The following ASPHD1 variants were observed in gnomAD, a reference collection of about 807,000 sequenced individuals.
ASPHD1 encodes the protein aspartate beta-hydroxylase domain containing 1, also known as aspartate beta-hydroxylase domain-containing protein 1.
A neutral mutation model predicts 28.3 loss-of-function variants in ASPHD1; 20 were observed. The ratio of observed to expected loss-of-function variants is 0.71; its 90% CI spans 0.50 to 1.03. The LOEUF is 1.03. Among genes scored for constraint, ASPHD1 ranks in the 50% least tolerant of loss-of-function variants. The pLI is 0.00. For synonymous variants in ASPHD1, 240 were observed against 221.2 expected, an observed-to-expected ratio of 1.08 and a Z score of -0.75; for missense variants, 479 against 524.1, an observed-to-expected ratio of 0.91 and a Z score of 0.84.
At chr16:29,911,115 A>C in intron 3 of ASPHD1, 1 of 1,614,162 alleles carries the variant, frequency 6.2e-7, no homozygotes, top group East Asian at 2.2e-5. Flanking sequence ...CGCCCGTGGA[A>C]GCGCAGGGCC....
At chr16:29,902,040 C>T (rs1035007389) in intron 1 of ASPHD1, 120 bp downstream of exon 1, 4 of 732,570 alleles carry the variant, frequency 5.5e-6, no homozygotes, top group Admixed American at 3.8e-5. Flanking sequence ...TCCATGGCTC[C>T]CTGTTGCCAC....
At chr16:29,903,659 C>T (rs1036038070) in intron 1 of ASPHD1, among the ~76,000 whole-genome samples, 4 of 152,104 alleles carry the variant, frequency 2.6e-5, no homozygotes, top group African/African-American at 9.7e-5. Context: ...TCTCTCTGTG[C>T]TCTAAATCAT....
In ASPHD1 at chr16:29,901,343, G is replaced by A; in HGVS notation, c.372G>A (p.Glu124=). The part of the protein sequence containing the change: ...GVRGGPVGCS[E]AGGPSPGGPG... ...GTGGTGGGCCTGTGGGATGCTCGGA[G>A]GCCGGCGGGCCAAGCCCAGGGGGTC... Residue 124 remains glutamate, a synonymous_variant, in exon 1 of 3, where the codon GAG becomes GAA. Transcript: ENST00000308748. This position sits in a 1 kb window ranked among gnomAD's most constrained non-coding sequence, Gnocchi z 5.1. 2 of 1,602,598 alleles carry A rather than the reference G, an allele frequency of 1.2e-6. No homozygotes were observed. Among genetic ancestry groups the A allele is most frequent in the South Asian group, 1.1e-5 (1 of 90,158 alleles).
Position 29,901,224 on chromosome 16 carries a change from G to C in ASPHD1, c.253G>C (p.Gly85Arg). The C allele has an allele frequency of 6.2e-7, 1 of 1,613,742 alleles. No homozygotes were observed. Among genetic ancestry groups the C allele is most frequent in the East Asian group, 2.2e-5 (1 of 44,856 alleles). The part of the protein sequence containing the change: ...LASSALTLLF[G>R]ALTSLFLWYC... Reference sequence around the variant, plus strand: ...CTCCTCGGCCCTCACCTTGCTCTTCGGGGCCCTCACTTCCCTGTTCCTCTG... The same window carrying C: ...CTCCTCGGCCCTCACCTTGCTCTTCCGGGCCCTCACTTCCCTGTTCCTCTG... Residue 85 changes from glycine to arginine, a missense_variant, in exon 1 of 3, where the codon GGG (glycine) becomes CGG (arginine). Gly to Arg is a moderately radical substitution (Grantham distance 125, BLOSUM62 -2). Transcript: ENST00000308748. The surrounding 1 kb of genome is among the most constrained non-coding windows in gnomAD (Gnocchi z 5.1).
chr16:29,913,612 TG>T (rs1458807097), intron 3 of ASPHD1: 9 of 152,182 alleles, frequency 5.9e-5, no homozygotes, highest in Non-Finnish European at 1.2e-4. Flanking sequence ...GTGGCCAAGA[TG>T]TCAGTGGGGC....
At chr16:29,905,668 A>AAAGGGTT in intron 2 of ASPHD1, 120 bp from the exon 3 acceptor site, 2 of 502,346 alleles carry the variant, frequency 4.0e-6, no homozygotes. Context: ...TGATACATTT[A>AAAGGGTT]AAGGGTTAGA....
intron 1 of ASPHD1, 89 bp from the exon 2 acceptor site, chr16:29,904,763 G>C (rs2068585709): frequency 1.2e-5 from 9 of 763,718 alleles, no homozygotes; most frequent in Middle Eastern, 2.4e-4. Context: ...TGGCATTTAA[G>C]ACACTTAGAG....
At position 29,901,158 on chromosome 16, in the gene ASPHD1, A is replaced by G; in HGVS notation, c.187A>G (p.Arg63Gly). 1.9e-6 allele frequency: 3 copies of G among 1,611,752 alleles called. No individual in the cohort carries two copies. In the East Asian group the frequency reaches 6.7e-5, roughly 36 times the overall value. Residue 63 changes from arginine to glycine, a missense_variant, in exon 1 of 3, where the codon AGG becomes GGG. By Grantham distance (125) the Arg-to-Gly change is moderately radical (BLOSUM62 -2). Transcript: ENST00000308748. This position sits in a 1 kb window ranked among gnomAD's most constrained non-coding sequence, Gnocchi z 5.1. ...GGAGGACGCCCCAGGCCTCTTGGCC[A>G]GGGCCTCCCTGATCATGCTCCCGTG... The part of the protein sequence containing the change: ...GPEDAPGLLA[R>G]ASLIMLPWPL...
Position 29,901,507 on chromosome 16 carries a change from C to T in ASPHD1, c.536C>T (p.Pro179Leu), listed in dbSNP as rs1239321295. The T allele has an allele frequency of 6.3e-7, 1 of 1,598,392 alleles. No individual in the cohort carries two copies. The highest frequency in any genetic ancestry group is 1.3e-5 in the African/African-American group (1 of 74,670). ...GGTGGCCCAGGCCCTGGGAGAGGGCCAGGGGTCCTAGGTATTCAGCGCCCA... is the reference window on the plus strand; with the variant it reads ...GGTGGCCCAGGCCCTGGGAGAGGGCTAGGGGTCCTAGGTATTCAGCGCCCA... ...AQGGPGPGRG[P>L]GVLGIQRPGL... Residue 179 changes from proline (P) to leucine (L), a missense_variant, in exon 1 of 3, where the codon CCA (proline) becomes CTA (leucine). Coordinates refer to ENST00000308748, the MANE Select transcript of ASPHD1 (RefSeq NM_181718.4). This position sits in a 1 kb window ranked among gnomAD's most constrained non-coding sequence, Gnocchi z 5.1.
chr16:29,914,465 T>C (rs2068773975), intron 3 of ASPHD1: 1 of 150,246 alleles, frequency 6.7e-6, no homozygotes, highest in African/African-American at 2.5e-5. Flanking sequence ...AAATGGAGTC[T>C]TGCTCTGTCT....
chr16:29,911,674 G>A (rs981500630), intron 3 of ASPHD1: 1 of 794,892 alleles, frequency 1.3e-6, no homozygotes. Flanking sequence ...GAGCGTCAGG[G>A]GTAAGAGGCG....
At chr16:29,907,130 C>T, downstream of ASPHD1, 1 of 1,550,186 alleles carries the variant, frequency 6.5e-7, no homozygotes, top group South Asian at 1.1e-5. Context: ...CAGCCGGCCC[C>T]AGCTCCTTCC....
chr16:29,918,931 T>G lies in ASPHD1; in HGVS notation c.*63-600T>G, dbSNP rs562848447. Among the ~76,000 whole-genome samples the G allele has an allele frequency of 2.4e-3, 361 of 152,282 alleles. 1 individual carries two copies. Among genetic ancestry groups the G allele is most frequent in the African/African-American group, 8.4e-3 (349 of 41,548 alleles). ...CCTCAGCCTCCCAAAGTGCTGGGAT[T>G]ACAGGCATGAGCCACCGCACCTGGC... On this transcript the variant is annotated intron_variant and NMD_transcript_variant, in intron 3 of 3. Coordinates refer to the ASPHD1 transcript ENST00000414952.
intron 3 of ASPHD1, among the ~76,000 whole-genome samples, chr16:29,917,375 A>G (rs2068828338): frequency 6.6e-6 from 1 of 152,166 alleles, no homozygotes; most frequent in Non-Finnish European, 1.5e-5. Flanking sequence ...GGTCAGGTAT[A>G]GCGGATCACA....
At chr16:29,911,884 G>A in intron 3 of ASPHD1, 2 of 1,612,114 alleles carry the variant, frequency 1.2e-6, no homozygotes, top group Non-Finnish European at 1.7e-6. Flanking sequence ...GGGGAGAGAG[G>A]ATGGACGAGA....
At chr16:29,906,143 T>A, downstream of ASPHD1, 1 of 309,896 alleles carries the variant, frequency 3.2e-6, no homozygotes. Flanking sequence ...TCCTTTTTTT[T>A]CTTTCTTTTT....
intron 3 of ASPHD1, chr16:29,911,131 G>T (rs1256772805): frequency 1.9e-6 from 3 of 1,614,062 alleles, no homozygotes; most frequent in Non-Finnish European, 2.5e-6. Flanking sequence ...GGGCCAGCTT[G>T]TCGAACAGCT....
In ASPHD1 at chr16:29,903,365, G is replaced by GA. The variant is rs1035602656; in HGVS notation, c.949+1454dup. Among the ~76,000 whole-genome samples, 18 of 150,568 alleles carry GA rather than the reference G, an allele frequency of 1.2e-4. No homozygotes were observed. The East Asian group carries it at 3.6e-3, about 30-fold the overall frequency. On this transcript the variant is annotated intron_variant, in intron 1 of 2. Transcript: ENST00000308748. ...GAGCGAAACTTCATCTCAAAAACAA[G>GA]AAAAAAAAATTGTGTAAAGACAGGC...
Position 29,900,739 on chromosome 16 carries a change from A to C in ASPHD1, c.-233A>C. On this transcript the variant is annotated 5_prime_UTR_variant, in exon 1 of 3. Transcript: ENST00000308748. ...GGTTCCCGGGACTGCAGGTCCAGGCAGGGTAGGAACCGCTGCCCAGGGGAG... is the reference window on the plus strand; with the variant it reads ...GGTTCCCGGGACTGCAGGTCCAGGCCGGGTAGGAACCGCTGCCCAGGGGAG... 1 of 576,364 alleles carries C rather than the reference A, an allele frequency of 1.7e-6. No homozygotes were observed. Among genetic ancestry groups the C allele is most frequent in the Non-Finnish European group, 3.1e-6 (1 of 326,768 alleles). 35.7% of individuals were successfully genotyped at this position (576,364 alleles called of 1,614,324 possible). A position where few individuals can be genotyped will look rare whatever the true frequency, so the allele number is the denominator to read the frequency against.
Sources: gnomAD v4.1 joint callset for allele counts (sites outside exome capture counted in the v4.1 genomes callset) on GRCh38, gnomAD v4.1.1 for gene constraint, Gnocchi (gnomAD v3.1) non-coding constraint, MANE v1.5 for transcripts, NCBI Gene and HGNC (gene_info 2026-07-23, HGNC 2026-07-21) for gene names.